SHISA9: variants seen among roughly 807,000 people sequenced by gnomAD.
The protein encoded by SHISA9 is shisa family member 9.
Under a neutral mutation model 38.0 loss-of-function variants are expected in SHISA9, and 13 were observed. The observed-to-expected ratio is 0.34, with a 90% CI of 0.22 to 0.54. The LOEUF is 0.54. Among genes scored for constraint, SHISA9 ranks in the 20% least tolerant of loss-of-function variants. The pLI is 0.91. For synonymous variants in SHISA9, 275 were observed against 242.0 expected (o/e 1.14, Z -1.27); for missense variants, 538 against 575.8 (o/e 0.93, Z 0.67).
At chr16:12,951,634 G>C (rs949846324) in intron 2 of SHISA9, among the ~76,000 whole-genome samples, 1 of 152,184 alleles carries the variant, frequency 6.6e-6, no homozygotes. Context: ...GGATGGCGGT[G>C]GGGGAGGGGT....
rs1432982720 is a variant in SHISA9, at chr16:12,970,360, T to TAG, written c.691+53546_691+53547insGA. 6.0e-4 allele frequency among the ~76,000 whole-genome samples: 44 copies of TAG among 73,072 alleles called. 1 individual carries two copies. Among genetic ancestry groups the TAG allele is most frequent in the Non-Finnish European group, 9.9e-4 (33 of 33,366 alleles). 47.9% of individuals were successfully genotyped at this position (73,072 alleles called of 152,430 possible). Reference sequence around the variant, plus strand: ...ATATATATACATATATGTGTATATATATATATATACATATATATATACATA... The same window carrying TAG: ...ATATATATACATATATGTGTATATATAGATATATATACATATATATATACATA... On this transcript the variant is annotated intron_variant, in intron 2 of 4. Transcript: ENST00000558583.
At chr16:13,363,323 C>G in the SHISA9 span, among the ~76,000 whole-genome samples, 1 of 152,236 alleles carries the variant, frequency 6.6e-6, no homozygotes, top group Non-Finnish European at 1.5e-5. Flanking sequence ...TGAGGAAGAA[C>G]TAAGTCTCCT....
chr16:13,040,041 C>T (rs979391847), intron 2 of SHISA9, among the ~76,000 whole-genome samples: 3 of 152,206 alleles, frequency 2.0e-5, no homozygotes, highest in Non-Finnish European at 4.4e-5. Context: ...AGGTCATTTC[C>T]TCTTGGTCCA....
chr16:13,553,757 G>C, the SHISA9 span, among the ~76,000 whole-genome samples: 417 of 151,922 alleles, frequency 2.7e-3, 2 homozygotes, highest in African/African-American at 9.3e-3. Context: ...CCATCCCTTC[G>C]CTGTGAATCA....
chr16:13,131,327 G>A (rs1184077558), intron 2 of SHISA9, among the ~76,000 whole-genome samples: 1 of 152,192 alleles, frequency 6.6e-6, no homozygotes, highest in Non-Finnish European at 1.5e-5. Flanking sequence ...CATGGATGGA[G>A]CTGGAAGCCA....
the SHISA9 span, among the ~76,000 whole-genome samples, chr16:13,510,482 A>T: frequency 6.6e-6 from 1 of 152,324 alleles, no homozygotes; most frequent in South Asian, 2.1e-4. Flanking sequence ...AACATCCATA[A>T]TAATTCATTC....
At chr16:13,277,618 T>C in the SHISA9 span, among the ~76,000 whole-genome samples, 3 of 152,058 alleles carry the variant, frequency 2.0e-5, no homozygotes, top group African/African-American at 4.8e-5. Context: ...TAGTTTTCCT[T>C]GTAGAGGTTT....
In SHISA9 at chr16:13,199,701, T is replaced by A. The variant is rs190169355; in HGVS notation, c.692-3693T>A. Among the ~76,000 whole-genome samples the A allele has an allele frequency of 1.7e-3, 252 of 152,220 alleles. 2 individuals are homozygous for A. The highest frequency in any genetic ancestry group is 5.7e-3 in the African/African-American group (236 of 41,526). On this transcript the variant is annotated intron_variant, in intron 2 of 4. Coordinates refer to ENST00000558583, the MANE Select transcript of SHISA9 (RefSeq NM_001145204.3). ...ACTCCAATGGTTCCAAGTAGAAAAG[T>A]TGATGGAAGATGGAAGAACTCTGAT...
rs78714928 is a variant in SHISA9 at position 13,108,311 on chromosome 16, G to T, written c.692-95083G>T. On this transcript the variant is annotated intron_variant, in intron 2 of 4. Transcript: ENST00000558583. ...ACTTGGCTAATTGTTTTGTTTTTTT[G>T]TAGAGATAGGATCTTGTTATGTTAC... Among the ~76,000 whole-genome samples the T allele has an allele frequency of 1.8e-4, 27 of 151,936 alleles. No homozygotes were observed. In the East Asian group the frequency reaches 5.2e-3, roughly 29 times the overall value.
At chr16:13,369,788 A>C in the SHISA9 span, among the ~76,000 whole-genome samples, 2 of 152,166 alleles carry the variant, frequency 1.3e-5, no homozygotes, top group African/African-American at 4.8e-5. Flanking sequence ...AATGACAAAC[A>C]CTGAGCTCAC....
chr16:13,303,486 A>G, the SHISA9 span, among the ~76,000 whole-genome samples: 177 of 152,372 alleles, frequency 1.2e-3, no homozygotes, highest in African/African-American at 4.2e-3. Context: ...GAAAGAAGCC[A>G]GACACAAAAG....
chr16:13,315,290 C>T, the SHISA9 span, among the ~76,000 whole-genome samples: 1 of 152,194 alleles, frequency 6.6e-6, no homozygotes, highest in Non-Finnish European at 1.5e-5. Flanking sequence ...AACAATAATC[C>T]TTACTTTCTA....
At chr16:13,523,160 C>T in the SHISA9 span, among the ~76,000 whole-genome samples, 2 of 152,046 alleles carry the variant, frequency 1.3e-5, no homozygotes, top group Non-Finnish European at 2.9e-5. Flanking sequence ...CCAGACTGGC[C>T]AACATGGTGA....
At chr16:13,314,434 T>A in the SHISA9 span, among the ~76,000 whole-genome samples, 1 of 152,058 alleles carries the variant, frequency 6.6e-6, no homozygotes, top group Admixed American at 6.5e-5. Flanking sequence ...GAGACAGGGT[T>A]TCACCGTGTT....
the SHISA9 span, among the ~76,000 whole-genome samples, chr16:13,391,807 G>A: frequency 6.6e-6 from 1 of 152,220 alleles, no homozygotes; most frequent in Non-Finnish European, 1.5e-5. Flanking sequence ...TGCAGGTAAA[G>A]TAGCTCAATA....
At chr16:13,464,783 T>C in the SHISA9 span, among the ~76,000 whole-genome samples, 14 of 152,104 alleles carry the variant, frequency 9.2e-5, no homozygotes, top group African/African-American at 3.4e-4. Flanking sequence ...TAGCCCTTGG[T>C]CCTCATAAAA....
intron 2 of SHISA9, among the ~76,000 whole-genome samples, chr16:13,172,741 A>ATTTT (rs35564627): frequency 2.1e-4 from 27 of 128,870 alleles, no homozygotes; most frequent in African/African-American, 7.6e-4. Flanking sequence ...TATCTTGATG[A>ATTTT]TTTTTTTTTT....
chr16:12,974,941 T>C (rs2072136878), intron 2 of SHISA9, among the ~76,000 whole-genome samples: 1 of 152,212 alleles, frequency 6.6e-6, no homozygotes, highest in Admixed American at 6.5e-5. Flanking sequence ...TATATTTATA[T>C]AAACTTTCAG....
At chr16:13,313,178 C>T in the SHISA9 span, among the ~76,000 whole-genome samples, 5 of 147,884 alleles carry the variant, frequency 3.4e-5, no homozygotes, top group African/African-American at 1.2e-4. Context: ...TGGCGTGAAC[C>T]CGGGAGGCGG....
Sources: allele counts gnomAD v4.1 joint callset (sites outside exome capture counted in the v4.1 genomes callset), GRCh38; gene constraint gnomAD v4.1.1; transcripts MANE v1.5; gene names NCBI Gene and HGNC (gene_info 2026-07-23, HGNC 2026-07-21).